Variants in PCSK5 observed in about 807,000 individuals in gnomAD.
PCSK5 encodes prohormone convertase 5.
In PCSK5, 129 loss-of-function variants were observed where a neutral mutation model predicts 233.2. The ratio of observed to expected loss-of-function variants is 0.55; its 90% CI spans 0.48 to 0.64. The LOEUF (loss-of-function observed/expected upper bound fraction) is 0.64, where lower values mean the gene tolerates loss of function less well. PCSK5 is among the 30% of genes least tolerant of loss of function. The pLI is 0.00. For missense variants in PCSK5, 2,076 were observed against 2,430.1 expected, an observed-to-expected ratio of 0.85 and a Z score of 3.06; for synonymous variants, 825 against 879.2, an observed-to-expected ratio of 0.94 and a Z score of 1.09.
At chr9:76,274,139 A>G (rs1433185287) in intron 24 of PCSK5, among the ~76,000 whole-genome samples, 1 of 151,592 alleles carries the variant, frequency 6.6e-6, no homozygotes, top group Non-Finnish European at 1.5e-5. Context: ...TATTGCCTCT[A>G]TGGGTTGAAG....
At chr9:76,209,113 A>T (rs1041034141) in intron 20 of PCSK5, among the ~76,000 whole-genome samples, 1 of 152,240 alleles carries the variant, frequency 6.6e-6, no homozygotes, top group African/African-American at 2.4e-5. Context: ...TAGATAGAAT[A>T]GGGCTGGTGT....
chr9:75,968,814 G>C lies in PCSK5; in HGVS notation c.298-17318G>C, dbSNP rs146770422. The stretch of plus-strand genomic sequence containing the variant: ...GACTCAAAAATTCTCCATAGTCAAC[G>C]GTAGGGACCATTTGATAAGGTGTGT... On this transcript the variant is annotated intron_variant, in intron 2 of 37. Coordinates refer to ENST00000674117, the MANE Select transcript of PCSK5 (RefSeq NM_001372043.1). Among the ~76,000 whole-genome samples, 210 of 152,272 alleles carry C rather than the reference G, an allele frequency of 1.4e-3. No homozygotes were observed. In the Middle Eastern group the frequency reaches 0.02, roughly 15 times the overall value.
intron 30 of PCSK5, among the ~76,000 whole-genome samples, chr9:76,319,970 C>G (rs904172156): frequency 6.6e-6 from 1 of 152,170 alleles, no homozygotes; most frequent in Non-Finnish European, 1.5e-5. Flanking sequence ...CCTGTAATCA[C>G]GCGACTTGCT....
At chr9:76,122,671 TA>T (rs911985528) in intron 9 of PCSK5, among the ~76,000 whole-genome samples, 22 of 151,082 alleles carry the variant, frequency 1.5e-4, no homozygotes, top group Admixed American at 1.1e-3. Context: ...TGTGAAGTCT[TA>T]AAAAAAAATG....
intron 13 of PCSK5, among the ~76,000 whole-genome samples, chr9:76,170,359 C>T (rs11144773): frequency 6.6e-6 from 1 of 152,068 alleles, no homozygotes; most frequent in Non-Finnish European, 1.5e-5. Context: ...AAAAAGAAAC[C>T]CTTCTTGACA....
chr9:75,940,584 T>C (rs1824256210), intron 2 of PCSK5, among the ~76,000 whole-genome samples: 1 of 152,234 alleles, frequency 6.6e-6, no homozygotes, highest in African/African-American at 2.4e-5. Flanking sequence ...TTCAGGCTGG[T>C]GCCTGTTGTG....
At chr9:76,091,457 T>C (rs2131640721) in intron 7 of PCSK5, among the ~76,000 whole-genome samples, 2 of 152,264 alleles carry the variant, frequency 1.3e-5, no homozygotes, top group South Asian at 4.2e-4. Context: ...AAACCCTTTT[T>C]CCAAATATAG....
intron 1 of PCSK5, among the ~76,000 whole-genome samples, chr9:75,901,614 A>G (rs1234813586): frequency 6.8e-6 from 1 of 146,366 alleles, no homozygotes; most frequent in Admixed American, 6.9e-5. Flanking sequence ...TTCTGCACAT[A>G]TATCCCAGAA....
At chr9:76,244,534 T>C (rs977420194) in intron 24 of PCSK5, among the ~76,000 whole-genome samples, 1 of 151,310 alleles carries the variant, frequency 6.6e-6, no homozygotes, top group African/African-American at 2.4e-5. Context: ...ATCTACATTA[T>C]GTAATAATTA....
At chr9:76,225,994 G>C (rs1293508184) in intron 20 of PCSK5, among the ~76,000 whole-genome samples, 2 of 152,110 alleles carry the variant, frequency 1.3e-5, no homozygotes, top group South Asian at 2.1e-4. Flanking sequence ...CACTCTTTTG[G>C]GCCTAGGTCT....
At chr9:75,947,046 A>G (rs1316574239) in intron 2 of PCSK5, among the ~76,000 whole-genome samples, 1 of 152,226 alleles carries the variant, frequency 6.6e-6, no homozygotes, top group Non-Finnish European at 1.5e-5. Context: ...TAAATGAGGA[A>G]CAAGTAACGT....
At chr9:76,044,497 G>A (rs1829295794) in intron 5 of PCSK5, among the ~76,000 whole-genome samples, 1 of 152,180 alleles carries the variant, frequency 6.6e-6, no homozygotes, top group African/African-American at 2.4e-5. Context: ...TATTACCACT[G>A]GGAGACTTAA....
chr9:76,081,476 C>CAAAT (rs1230704204), intron 7 of PCSK5, among the ~76,000 whole-genome samples: 1,788 of 138,386 alleles, frequency 0.013, 15 homozygotes, highest in South Asian at 0.03. Context: ...AATAAATAAA[C>CAAAT]AAACAAACAA....
At chr9:76,218,541 C>G (rs955638435) in intron 20 of PCSK5, among the ~76,000 whole-genome samples, 3 of 150,278 alleles carry the variant, frequency 2.0e-5, no homozygotes, top group Non-Finnish European at 3.0e-5. Context: ...AACTACCCTA[C>G]ATTATTATCT....
chr9:76,193,457 CTTTCTTTTCTTGCTCTCTT>C (rs1161462301), intron 20 of PCSK5: 5 of 803,706 alleles, frequency 6.2e-6, no homozygotes, highest in Non-Finnish European at 9.1e-6. Flanking sequence ...CCACCTCTCT[CTTTCTTTTCTTGCTCTCTT>C]TTTCTTTCTC....
intron 24 of PCSK5, among the ~76,000 whole-genome samples, chr9:76,273,564 A>ATATATATATATATATAT (rs1564148799): frequency 1.3e-5 from 1 of 74,860 alleles, no homozygotes; most frequent in African/African-American, 5.1e-5. Flanking sequence ...ACAAAATAGT[A>ATATATATATATATATAT]ATATATATAT....
rs117392860 is a variant in PCSK5 at position 76,055,895 on chromosome 9, T to C, written c.633-12060T>C. ...ACTTTGAGCATTACAGAGTGTGATA[T>C]AAGCAGAAGGTGGTAATATGATGAT... On this transcript the variant is annotated intron_variant, in intron 5 of 37. Coordinates refer to ENST00000674117, the MANE Select transcript of PCSK5 (RefSeq NM_001372043.1). Among the ~76,000 whole-genome samples, 12 of 152,332 alleles carry C rather than the reference T, an allele frequency of 7.9e-5. No individual in the cohort carries two copies. In the East Asian group the frequency reaches 1.3e-3, roughly 17 times the overall value.
rs542096197 is a variant in PCSK5 at position 76,005,200 on chromosome 9, T to C, written c.412-18538T>C. 7.9e-5 allele frequency among the ~76,000 whole-genome samples: 12 copies of C among 152,324 alleles called. No homozygotes were observed. In the South Asian group the frequency reaches 2.5e-3, roughly 32 times the overall value. On this transcript the variant is annotated intron_variant, in intron 3 of 37. Coordinates refer to ENST00000674117, the MANE Select transcript of PCSK5 (RefSeq NM_001372043.1). Reference sequence around the variant, plus strand: ...AAACTTATGTACAATTTAAGATTTCTCTTTGTCCTTAGAGTATATTCCCTG... The same window carrying C: ...AAACTTATGTACAATTTAAGATTTCCCTTTGTCCTTAGAGTATATTCCCTG...
At chr9:76,136,280 C>T (rs553033343) in intron 10 of PCSK5, among the ~76,000 whole-genome samples, 1 of 152,064 alleles carries the variant, frequency 6.6e-6, no homozygotes, top group South Asian at 2.1e-4. Context: ...TCCCTAGAGT[C>T]CCACAGATAA....
Sources: gnomAD v4.1 joint callset for allele counts (sites outside exome capture counted in the v4.1 genomes callset) on GRCh38, gnomAD v4.1.1 for gene constraint, MANE v1.5 for transcripts, NCBI Gene and HGNC (gene_info 2026-07-23, HGNC 2026-07-21) for gene names.